HAUS6: variants seen among roughly 807,000 people sequenced by gnomAD.
HAUS6 encodes the protein HAUS augmin like complex subunit 6.
HAUS6 carries 80 observed loss-of-function variants against 106.8 expected under a neutral mutation model. That is an observed-to-expected ratio of 0.75 (90% CI 0.63 to 0.90). HAUS6 has a LOEUF of 0.90. Among genes scored for constraint, HAUS6 ranks in the 40% least tolerant of loss-of-function variants. The pLI, the probability that HAUS6 is intolerant of heterozygous loss-of-function variation, is 0.00. For missense variants in HAUS6, 1,155 were observed against 1,118.1 expected (o/e 1.03, Z -0.47); for synonymous variants, 356 against 379.1 (o/e 0.94, Z 0.71).
intron 12 of HAUS6, among the ~76,000 whole-genome samples, chr9:19,067,998 A>C (rs199675926): frequency 1.3e-3 from 194 of 145,372 alleles, no homozygotes; most frequent in East Asian, 0.012. Context: ...CTGGCCCCCC[A>C]AAAAAAAAAG....
rs768511661 is a variant in HAUS6, at chr9:19,083,009, A to T, written c.734T>A (p.Leu245His). The T allele has an allele frequency of 4.4e-6, 7 of 1,590,218 alleles. No individual in the cohort carries two copies. The South Asian group carries it at 8.1e-5, about 18-fold the overall frequency. ...RSLWASVNET[L>H]MFLEKEREVV... The stretch of plus-strand genomic sequence containing the variant: ...TTCTCTCTCTTTTTCCAAAAACATG[A>T]GCGTTTCATTCACTGAAGCCCACAA... Residue 245 changes from leucine (L) to histidine (H), a missense_variant, in exon 8 of 17, where the codon CTC becomes CAC. Coordinates refer to ENST00000380502, the MANE Select transcript of HAUS6 (RefSeq NM_017645.5).
chr9:19,098,555 C>G (rs1351237087), intron 1 of HAUS6, among the ~76,000 whole-genome samples: 1 of 151,996 alleles, frequency 6.6e-6, no homozygotes, highest in East Asian at 1.9e-4. Context: ...ATAAATGAAT[C>G]ACCTCTTTTT....
rs367762183 is a variant in HAUS6 at position 19,080,530 on chromosome 9, T to C, written c.1013A>G (p.Glu338Gly). Residue 338 changes from glutamate (E) to glycine (G), a missense_variant, in exon 9 of 17, where the codon GAA becomes GGA. Glu to Gly is a moderately conservative substitution (Grantham distance 98). Transcript: ENST00000380502. ...ARLTVDLHYL[E>G]KETKFQKERL... ...TTCCTTCTGAAATTTGGTCTCTTTT[T>C]CAAGGTAGTGAAGGTCTACCGTCAA... 129 of 1,609,634 alleles carry C rather than the reference T, an allele frequency of 8.0e-5. No homozygotes were observed. The highest frequency in any genetic ancestry group is 1.0e-4 in the Non-Finnish European group (123 of 1,177,748).
chr9:19,085,201 G>A (rs973969658), intron 7 of HAUS6, among the ~76,000 whole-genome samples: 1 of 152,136 alleles, frequency 6.6e-6, no homozygotes, highest in African/African-American at 2.4e-5. Context: ...TAATTGTCCA[G>A]GATCTGGTTC....
intron 11 of HAUS6, among the ~76,000 whole-genome samples, chr9:19,074,499 T>C (rs906285572): frequency 6.6e-6 from 1 of 152,134 alleles, no homozygotes; most frequent in African/African-American, 2.4e-5. Context: ...CTCGAACTCC[T>C]GGGCTTAAGC....
chr9:19,085,001 C>T (rs1011851376), intron 7 of HAUS6, among the ~76,000 whole-genome samples: 5 of 152,032 alleles, frequency 3.3e-5, no homozygotes, highest in Admixed American at 3.3e-4. Flanking sequence ...AACCAGAGCA[C>T]ACTGCAGCCT....
At chr9:19,088,053 G>A (rs1448895857) in intron 5 of HAUS6, among the ~76,000 whole-genome samples, 1 of 152,078 alleles carries the variant, frequency 6.6e-6, no homozygotes, top group East Asian at 1.9e-4. Flanking sequence ...TTAAAAAAAT[G>A]ATGGACTACC....
rs1588634803 is a variant in HAUS6 at position 19,102,787 on chromosome 9, C to T, written c.-136G>A. On this transcript the variant is annotated 5_prime_UTR_variant, in exon 1 of 17. Transcript: ENST00000380502. ...TTGCCAACGCCTGCTCCTTTCACGC[C>T]CAGAGCGATTTCGCCTCAAAGGGCC... The T allele has an allele frequency of 2.5e-6, 2 of 812,106 alleles. No individual in the cohort carries two copies. The highest frequency in any genetic ancestry group is 5.9e-5 in the East Asian group (2 of 34,186). The allele number at this position is 812,106 out of a possible 1,614,324, so 50.3% of individuals were successfully genotyped here.
intron 7 of HAUS6, among the ~76,000 whole-genome samples, chr9:19,083,923 G>T (rs1366142605): frequency 6.6e-6 from 1 of 151,208 alleles, no homozygotes; most frequent in Non-Finnish European, 1.5e-5. Context: ...AAAATCTTAG[G>T]CATATACTAA....
At chr9:19,067,984 G>A (rs545035285) in intron 12 of HAUS6, among the ~76,000 whole-genome samples, 98 of 151,364 alleles carry the variant, frequency 6.5e-4, no homozygotes, top group African/African-American at 1.2e-3. Context: ...ATGAGCCACC[G>A]CACCTGGCCC....
At chr9:19,098,882 C>A (rs1480538214) in intron 1 of HAUS6, among the ~76,000 whole-genome samples, 1 of 151,862 alleles carries the variant, frequency 6.6e-6, no homozygotes, top group Non-Finnish European at 1.5e-5. Flanking sequence ...ATTAGCAGGG[C>A]ATGGTGGCGC....
Position 19,093,374 on chromosome 9 carries a change from T to C in HAUS6, c.304-71A>G, listed in dbSNP as rs1588626468. On this transcript the variant is annotated intron_variant, in intron 3 of 16. Transcript: ENST00000380502. ...AACTCTTACATTTACATCACACTAT[T>C]TTTGTTAAAGGGTGTGACAGTCTTG... 23 of 1,344,064 alleles carry C rather than the reference T, an allele frequency of 1.7e-5. No homozygotes were observed. The East Asian group carries it at 5.4e-4, about 31-fold the overall frequency. The allele number at this position is 1,344,064 out of a possible 1,614,324, so 83.3% of individuals were successfully genotyped here. A position where few individuals can be genotyped will look rare whatever the true frequency, so the allele number is the denominator to read the frequency against.
intron 2 of HAUS6, 97 bp downstream of exon 2, chr9:19,096,577 A>AG (rs1817867636): frequency 1.9e-6 from 1 of 531,636 alleles, no homozygotes; most frequent in African/African-American, 2.1e-5. Context: ...AAAAAAAAAA[A>AG]AAAAAAAAAA....
At chr9:19,096,981 A>G (rs72696491) in intron 1 of HAUS6, among the ~76,000 whole-genome samples, 5,291 of 152,294 alleles carry the variant, frequency 0.035, 115 homozygotes, top group Non-Finnish European at 0.051. Context: ...CAGATTCAAT[A>G]TAAGACTGGC....
chr9:19,079,632 A>G (rs1321756344), intron 9 of HAUS6, among the ~76,000 whole-genome samples: 4 of 151,984 alleles, frequency 2.6e-5, no homozygotes, highest in Admixed American at 6.6e-5. Flanking sequence ...CATACTTTCT[A>G]TTCTTTCTGG....
rs529236300 is a variant in HAUS6, at chr9:19,089,642, A to T, written c.437-83T>A. On this transcript the variant is annotated intron_variant, in intron 4 of 16. Coordinates refer to ENST00000380502, the MANE Select transcript of HAUS6 (RefSeq NM_017645.5). ...TCAGAAATGAACATTAGTGTCACTA[A>T]CGTTGGTGGTATACAATCTCCCACT... 5,868 of 998,546 alleles carry T rather than the reference A, an allele frequency of 5.9e-3. 142 individuals are homozygous for T. Among genetic ancestry groups the T allele is most frequent in the South Asian group, 0.057 (3,611 of 63,258 alleles). The allele number at this position is 998,546 out of a possible 1,614,324, so 61.9% of individuals were successfully genotyped here. A position where few individuals can be genotyped will look rare whatever the true frequency, so the allele number is the denominator to read the frequency against.
chr9:19,099,996 C>G (rs1201551940), intron 1 of HAUS6, among the ~76,000 whole-genome samples: 1 of 152,158 alleles, frequency 6.6e-6, no homozygotes, highest in Non-Finnish European at 1.5e-5. Context: ...ATTTAAGATT[C>G]CGCCTGGCTA....
At chr9:19,089,248 C>G (rs1223147555) in intron 5 of HAUS6, among the ~76,000 whole-genome samples, 164 bp downstream of exon 5, 5 of 149,756 alleles carry the variant, frequency 3.3e-5, no homozygotes, top group African/African-American at 1.2e-4. Context: ...CAGACCCTGT[C>G]TCAGATAGGG....
At chr9:19,076,576 G>C (rs1287797939) in intron 11 of HAUS6, 26 bp downstream of exon 11, 1 of 1,015,806 alleles carries the variant, frequency 9.8e-7, no homozygotes, top group African/African-American at 1.6e-5. Context: ...AGGTTTCAAA[G>C]AGAAAAAAAT....
Sources: allele counts gnomAD v4.1 joint callset (sites outside exome capture counted in the v4.1 genomes callset), GRCh38; gene constraint gnomAD v4.1.1; transcripts MANE v1.5; gene names NCBI Gene and HGNC (gene_info 2026-07-23, HGNC 2026-07-21).